The following MED27 variants were observed in gnomAD, a reference collection of about 807,000 sequenced individuals.
MED27 encodes the protein mediator of RNA polymerase II transcription subunit 27.
Under a neutral mutation model 38.2 loss-of-function variants are expected in MED27, and 30 were observed. The observed-to-expected ratio is 0.79, with a 90% confidence interval of 0.59 to 1.07. MED27 has a LOEUF of 1.07. MED27 is among the 50% of genes least tolerant of loss of function. The probability of loss-of-function intolerance (pLI) is 0.00; values close to 1 mark genes in which losing one functional copy is unlikely to be tolerated. For synonymous variants in MED27, 122 were observed against 153.5 expected, an observed-to-expected ratio of 0.79 and a Z score of 1.52; for missense variants, 289 against 397.5, an observed-to-expected ratio of 0.73 and a Z score of 2.32.
chr9:132,053,990 T>C (rs762216596), intron 2 of MED27, among the ~76,000 whole-genome samples: 16 of 151,722 alleles, frequency 1.1e-4, no homozygotes, highest in Non-Finnish European at 2.2e-4. Context: ...AAAACAAATG[T>C]ATTCAGAAAA....
At chr9:132,078,949 A>G (rs1834114157) in intron 1 of MED27, among the ~76,000 whole-genome samples, 2 of 152,220 alleles carry the variant, frequency 1.3e-5, no homozygotes, top group South Asian at 4.1e-4. Context: ...TGTAAGGAAG[A>G]GGAGGAAAAG....
chr9:132,016,030 T>G (rs1382718956), intron 2 of MED27, among the ~76,000 whole-genome samples: 2 of 152,244 alleles, frequency 1.3e-5, no homozygotes, highest in African/African-American at 4.8e-5. Flanking sequence ...CAAAATGCTC[T>G]TCCAAGGCAC....
intron 2 of MED27, among the ~76,000 whole-genome samples, chr9:132,047,762 T>C (rs935862505): frequency 2.6e-5 from 4 of 152,188 alleles, no homozygotes; most frequent in African/African-American, 9.7e-5. Flanking sequence ...CTGAATACTA[T>C]ATAATAACAT....
At chr9:131,937,231 C>T (rs980855145) in intron 4 of MED27, among the ~76,000 whole-genome samples, 2 of 152,106 alleles carry the variant, frequency 1.3e-5, no homozygotes, top group African/African-American at 4.8e-5. Context: ...CAAATGCAGG[C>T]ATTATGTTAA....
At chr9:131,961,689 A>T (rs1255155237) in intron 3 of MED27, among the ~76,000 whole-genome samples, 1 of 152,226 alleles carries the variant, frequency 6.6e-6, no homozygotes, top group Non-Finnish European at 1.5e-5. Context: ...CTAGCGAAGG[A>T]GCCTCATGCT....
intron 3 of MED27, among the ~76,000 whole-genome samples, chr9:131,940,658 C>G (rs1830770696): frequency 6.6e-6 from 1 of 152,150 alleles, no homozygotes; most frequent in Non-Finnish European, 1.5e-5. Flanking sequence ...TCAAGTGATC[C>G]ACCTGCCTCA....
intron 3 of MED27, among the ~76,000 whole-genome samples, chr9:131,954,000 C>T (rs1564297599): frequency 6.6e-6 from 1 of 152,004 alleles, no homozygotes; most frequent in Non-Finnish European, 1.5e-5. Flanking sequence ...GACAGGGTTT[C>T]GCCATGTTGG....
intron 2 of MED27, among the ~76,000 whole-genome samples, chr9:132,030,553 A>G (rs1832936410): frequency 6.6e-6 from 1 of 152,240 alleles, no homozygotes; most frequent in African/African-American, 2.4e-5. Flanking sequence ...CTTAGAAAGC[A>G]TACTAGAGAC....
At chr9:131,993,461 C>T (rs1480941754) in intron 3 of MED27, among the ~76,000 whole-genome samples, 1 of 152,194 alleles carries the variant, frequency 6.6e-6, no homozygotes, top group Non-Finnish European at 1.5e-5. Flanking sequence ...GGACAGTCAA[C>T]ACGTGGGCTC....
In MED27 at chr9:131,889,167, G is replaced by C. The variant is rs987950516; in HGVS notation, c.681+4718C>G. On this transcript the variant is annotated intron_variant, in intron 5 of 7. Transcript: ENST00000292035. The surrounding 1 kb of genome is among the most constrained non-coding windows in gnomAD (Gnocchi z 4.2). Reference sequence around the variant, plus strand: ...AGCTCCCCACCCCCTCGACCCACATGCACACACACAGCCAACTTTGAAGTG... The same window carrying C: ...AGCTCCCCACCCCCTCGACCCACATCCACACACACAGCCAACTTTGAAGTG... 6.6e-6 allele frequency among the ~76,000 whole-genome samples: 1 copy of C among 152,082 alleles called. No homozygotes were observed. Among genetic ancestry groups the C allele is most frequent in the Non-Finnish European group, 1.5e-5 (1 of 68,008 alleles).
At chr9:132,031,765 C>T (rs1422025097) in intron 2 of MED27, 3 of 151,904 alleles carry the variant, frequency 2.0e-5, no homozygotes, top group Non-Finnish European at 2.9e-5. Flanking sequence ...TACTTATGTT[C>T]CTTGGATGAA....
chr9:131,992,516 G>C (rs1459909186), intron 3 of MED27, among the ~76,000 whole-genome samples: 1 of 152,092 alleles, frequency 6.6e-6, no homozygotes, highest in Non-Finnish European at 1.5e-5. Flanking sequence ...TCCCTCCTCA[G>C]GCTCCCGAGT....
At chr9:132,054,563 G>C (rs553909674) in intron 2 of MED27, among the ~76,000 whole-genome samples, 3 of 152,082 alleles carry the variant, frequency 2.0e-5, no homozygotes, top group African/African-American at 7.2e-5. Flanking sequence ...ACAGGGGCAC[G>C]ACCACACCCA....
At chr9:131,998,496 T>C (rs559308358) in intron 3 of MED27, among the ~76,000 whole-genome samples, 172 of 152,290 alleles carry the variant, frequency 1.1e-3, no homozygotes, top group Middle Eastern at 6.8e-3. Flanking sequence ...AGAAAGGAGA[T>C]GCCTTCTGGC....
intron 2 of MED27, chr9:132,073,766 G>GC (rs1217277588): frequency 6.7e-7 from 1 of 1,493,046 alleles, no homozygotes; most frequent in African/African-American, 1.5e-5. Flanking sequence ...AAAATCAAAC[G>GC]TGAAAAAAAA....
intron 3 of MED27, among the ~76,000 whole-genome samples, chr9:131,947,081 C>T (rs1408406349): frequency 2.0e-5 from 3 of 152,144 alleles, no homozygotes; most frequent in African/African-American, 4.8e-5. Flanking sequence ...ATCTGGCACC[C>T]GCTAAGCATG....
At chr9:132,000,325 T>TGTTAGAACCA (rs1340275069) in intron 3 of MED27, among the ~76,000 whole-genome samples, 1 of 152,110 alleles carries the variant, frequency 6.6e-6, no homozygotes, top group Non-Finnish European at 1.5e-5. Flanking sequence ...CCAGTCAGAA[T>TGTTAGAACCA]GTCTAAACAT....
intron 4 of MED27, among the ~76,000 whole-genome samples, chr9:131,914,209 A>G (rs1830245032): frequency 6.6e-6 from 1 of 152,200 alleles, no homozygotes; most frequent in East Asian, 1.9e-4. Context: ...CGATGAACAA[A>G]CTCAAGACAG....
intron 2 of MED27, among the ~76,000 whole-genome samples, chr9:132,067,364 C>T (rs77921275): frequency 6.6e-6 from 1 of 152,296 alleles, no homozygotes; most frequent in African/African-American, 2.4e-5. Context: ...CAGGGAGCAC[C>T]TAATTTGGAT....
Sources: gnomAD v4.1 joint callset for allele counts (sites outside exome capture counted in the v4.1 genomes callset) on GRCh38, gnomAD v4.1.1 for gene constraint, Gnocchi (gnomAD v3.1) non-coding constraint, MANE v1.5 for transcripts, NCBI Gene and HGNC (gene_info 2026-07-23, HGNC 2026-07-21) for gene names.